Variants in CNTN5 observed in about 807,000 individuals in gnomAD.
CNTN5 encodes the protein contactin-5.
Under a neutral mutation model 129.1 loss-of-function variants are expected in CNTN5, and 77 were observed. That is an observed-to-expected ratio of 0.60 (90% CI 0.50 to 0.72). The LOEUF (loss-of-function observed/expected upper bound fraction) is 0.72, where lower values mean the gene tolerates loss of function less well. Ranked by LOEUF, CNTN5 falls within the 30% of genes least tolerant of loss-of-function variation. CNTN5 has a pLI of 0.00. For missense variants in CNTN5, 1,478 were observed against 1,328.8 expected (o/e 1.11, Z -1.75); for synonymous variants, 509 against 465.6 (o/e 1.09, Z -1.20).
intron 3 of CNTN5, among the ~76,000 whole-genome samples, chr11:99,699,150 C>T (rs965850236): frequency 2.6e-5 from 4 of 151,284 alleles, no homozygotes; most frequent in East Asian, 3.9e-4. Context: ...TTGTTCATGT[C>T]GTGATGATTT....
chr11:100,015,982 G>C (rs1050916579), intron 9 of CNTN5, among the ~76,000 whole-genome samples: 1 of 152,000 alleles, frequency 6.6e-6, no homozygotes, highest in African/African-American at 2.4e-5. Context: ...AATTTATTCT[G>C]ACATGTACGT....
chr11:99,617,782 A>G (rs182620214), intron 3 of CNTN5, among the ~76,000 whole-genome samples: 1 of 152,326 alleles, frequency 6.6e-6, no homozygotes, highest in East Asian at 1.9e-4. Flanking sequence ...ACTGAGACAA[A>G]TGAGTCGGTA....
At chr11:100,274,498 T>C (rs1296113657) in intron 18 of CNTN5, among the ~76,000 whole-genome samples, 1 of 152,208 alleles carries the variant, frequency 6.6e-6, no homozygotes, top group Non-Finnish European at 1.5e-5. Flanking sequence ...ATATCCAGCA[T>C]CTATAAGGAA....
At chr11:99,342,441 T>G (rs1866554860) in intron 2 of CNTN5, among the ~76,000 whole-genome samples, 1 of 151,464 alleles carries the variant, frequency 6.6e-6, no homozygotes, top group African/African-American at 2.4e-5. Flanking sequence ...TTTTATTATT[T>G]AAGAAGCAGG....
At chr11:99,496,887 A>G (rs931986068) in intron 2 of CNTN5, among the ~76,000 whole-genome samples, 1 of 152,178 alleles carries the variant, frequency 6.6e-6, no homozygotes, top group Non-Finnish European at 1.5e-5. Context: ...TCATAATTCA[A>G]AGGAACGAAA....
intron 2 of CNTN5, among the ~76,000 whole-genome samples, chr11:99,457,417 G>C (rs113980303): frequency 0.012 from 1,845 of 151,886 alleles, 39 homozygotes; most frequent in African/African-American, 0.042. Flanking sequence ...TTTTAGCTGG[G>C]ATGATCAGAG....
At chr11:100,298,112 T>C (rs924549375) in intron 19 of CNTN5, among the ~76,000 whole-genome samples, 6 of 151,406 alleles carry the variant, frequency 4.0e-5, no homozygotes, top group African/African-American at 1.5e-4. Context: ...CCTTTTTTGA[T>C]GTTAAATAAC....
At chr11:99,388,409 G>T (rs1451295508) in intron 2 of CNTN5, among the ~76,000 whole-genome samples, 1 of 50,004 alleles carries the variant, frequency 2.0e-5, no homozygotes, top group Non-Finnish European at 3.5e-5. Context: ...AGCAAAACCC[G>T]GTCTCAAAAA....
At chr11:100,198,414 AG>A (rs1948699431) in intron 15 of CNTN5, among the ~76,000 whole-genome samples, 1 of 121,064 alleles carries the variant, frequency 8.3e-6, no homozygotes. Flanking sequence ...ATGTCTGTCT[AG>A]ACACACACAC....
intron 18 of CNTN5, among the ~76,000 whole-genome samples, chr11:100,272,900 G>T (rs1032630364): frequency 5.3e-5 from 8 of 152,114 alleles, no homozygotes; most frequent in African/African-American, 1.9e-4. Context: ...GGTAGGAGCT[G>T]CAAGCCAGCT....
intron 1 of CNTN5, among the ~76,000 whole-genome samples, chr11:99,295,017 T>A (rs917611503): frequency 6.6e-6 from 1 of 151,774 alleles, no homozygotes; most frequent in African/African-American, 2.4e-5. Flanking sequence ...GTTTACGGTG[T>A]CCTCATGGTC....
chr11:100,264,477 T>C (rs1027478088), intron 17 of CNTN5, among the ~76,000 whole-genome samples: 3 of 152,160 alleles, frequency 2.0e-5, no homozygotes, highest in Non-Finnish European at 4.4e-5. Flanking sequence ...GGAGAACATG[T>C]GGCATTTGGT....
intron 8 of CNTN5, among the ~76,000 whole-genome samples, chr11:99,996,140 T>C (rs1231575914): frequency 6.6e-6 from 1 of 152,192 alleles, no homozygotes; most frequent in Non-Finnish European, 1.5e-5. Context: ...ACACTGCCCA[T>C]GCCCTTATTC....
At chr11:99,387,116 G>T (rs1940967590) in intron 2 of CNTN5, among the ~76,000 whole-genome samples, 1 of 152,012 alleles carries the variant, frequency 6.6e-6, no homozygotes, top group Non-Finnish European at 1.5e-5. Context: ...CCTCATCTAA[G>T]CTCTGAATAG....
At chr11:99,591,516 T>A (rs529858157) in intron 3 of CNTN5, among the ~76,000 whole-genome samples, 1 of 151,988 alleles carries the variant, frequency 6.6e-6, no homozygotes, top group African/African-American at 2.4e-5. Flanking sequence ...TTTTTTGTAT[T>A]TTTAGTAGAG....
intron 8 of CNTN5, among the ~76,000 whole-genome samples, chr11:99,969,301 G>A (rs1341310182): frequency 6.6e-6 from 1 of 152,104 alleles, no homozygotes; most frequent in Admixed American, 6.6e-5. Flanking sequence ...GCCTGTCATT[G>A]TAATTCAGAA....
chr11:99,750,857 A>G (rs1038045737), intron 3 of CNTN5, among the ~76,000 whole-genome samples: 3 of 152,198 alleles, frequency 2.0e-5, no homozygotes, highest in Non-Finnish European at 4.4e-5. Context: ...TTTGTGAGCA[A>G]TCTATAGCCT....
chr11:99,103,119 C>T (rs74716629), intron 1 of CNTN5, among the ~76,000 whole-genome samples: 8,489 of 152,098 alleles, frequency 0.056, 301 homozygotes, highest in Non-Finnish European at 0.075. Flanking sequence ...TACCATGAGA[C>T]CAGTATGGGG....
chr11:99,964,240 G>A (rs991005242), intron 8 of CNTN5, among the ~76,000 whole-genome samples: 14 of 146,726 alleles, frequency 9.5e-5, no homozygotes, highest in East Asian at 1.9e-4. Context: ...TCTTGTGCCC[G>A]TTTTCAAAGG....
Sources: gnomAD v4.1 joint callset for allele counts (sites outside exome capture counted in the v4.1 genomes callset) on GRCh38, gnomAD v4.1.1 for gene constraint, MANE v1.5 for transcripts, NCBI Gene and HGNC (gene_info 2026-07-23, HGNC 2026-07-21) for gene names.